The following DOCK9 variants were observed in gnomAD, a reference collection of about 807,000 sequenced individuals.
DOCK9 encodes dedicator of cytokinesis protein 9.
In DOCK9, 89 loss-of-function variants were observed where a neutral mutation model predicts 263.3. The observed-to-expected ratio is 0.34, with a 90% CI of 0.28 to 0.40. DOCK9 has a LOEUF of 0.40. DOCK9 is among the 10% of genes least tolerant of loss of function. The pLI, the probability that DOCK9 is intolerant of heterozygous loss-of-function variation, is 1.00. For missense variants in DOCK9, 2,140 were observed against 2,603.4 expected (o/e 0.82, Z 3.87); for synonymous variants, 976 against 973.1 (o/e 1.00, Z -0.06).
chr13:98,829,296 A>T lies in DOCK9; in HGVS notation c.4965+11T>A. 6.2e-7 allele frequency: 1 copy of T among 1,606,148 alleles called. No individual in the cohort carries two copies. On this transcript the variant is annotated intron_variant, in intron 43 of 52. Transcript: ENST00000682017. The surrounding 1 kb of genome is among the most constrained non-coding windows in gnomAD (Gnocchi z 4.1). ...TCAAAAACCCATTCAAGCGGCTGGC[A>T]GGGCTACTACCTCTGAGAGATCGCC...
chr13:98,846,476 T>C (rs1241980015), intron 37 of DOCK9: 4 of 1,321,712 alleles, frequency 3.0e-6, no homozygotes, highest in Admixed American at 1.9e-5. Context: ...AGAACAAACA[T>C]GCAAAGGAAG....
chr13:98,819,710 C>T (rs948989287), intron 45 of DOCK9, among the ~76,000 whole-genome samples: 14 of 152,204 alleles, frequency 9.2e-5, no homozygotes, highest in African/African-American at 3.4e-4. Flanking sequence ...GCTCCAGGAC[C>T]ACTGTCAGTC....
At chr13:98,807,625 T>G in intron 48 of DOCK9, 36 bp downstream of exon 48, 1 of 1,547,768 alleles carries the variant, frequency 6.5e-7, no homozygotes. Flanking sequence ...ATCACAACAT[T>G]ACATTGCTAT....
At chr13:98,952,328 TG>T (rs920308111) in intron 2 of DOCK9, among the ~76,000 whole-genome samples, 4 of 151,390 alleles carry the variant, frequency 2.6e-5, no homozygotes, top group African/African-American at 9.7e-5. Flanking sequence ...CTCTGTCTCC[TG>T]GTTTCAAGAG....
At chr13:98,807,561 T>A in intron 48 of DOCK9, 100 bp downstream of exon 48, 1 of 1,139,162 alleles carries the variant, frequency 8.8e-7, no homozygotes, top group Non-Finnish European at 1.2e-6. Flanking sequence ...CAATCCTTAA[T>A]ATTTTTCTTG....
intron 1 of DOCK9, among the ~76,000 whole-genome samples, chr13:99,085,683 G>A (rs1316641370): frequency 1.3e-5 from 2 of 152,000 alleles, no homozygotes; most frequent in Non-Finnish European, 2.9e-5. Flanking sequence ...GCTTGGAGGT[G>A]GGGGGCGCAG....
Position 98,794,571 on chromosome 13 carries a change from A to G in DOCK9, c.*55T>C. On this transcript the variant is annotated 3_prime_UTR_variant, in exon 53 of 53. Coordinates refer to ENST00000682017, the MANE Select transcript of DOCK9 (RefSeq NM_001366683.2). ...TCCCCAGTGATTGGCTTTGGAAAGCATCCTGAGTTTGCAAATGACAAAGCA... is the reference window on the plus strand; with the variant it reads ...TCCCCAGTGATTGGCTTTGGAAAGCGTCCTGAGTTTGCAAATGACAAAGCA... 6.5e-7 allele frequency: 1 copy of G among 1,543,786 alleles called. No homozygotes were observed. The highest frequency in any genetic ancestry group is 8.8e-7 in the Non-Finnish European group (1 of 1,141,900).
intron 50 of DOCK9, among the ~76,000 whole-genome samples, chr13:98,799,220 T>G (rs974905459): frequency 6.6e-6 from 1 of 152,162 alleles, no homozygotes; most frequent in Non-Finnish European, 1.5e-5. Context: ...TGATGGGAAG[T>G]TGACAAAATA....
chr13:98,843,846 G>A (rs2093304334), intron 38 of DOCK9, among the ~76,000 whole-genome samples: 1 of 152,228 alleles, frequency 6.6e-6, no homozygotes, highest in South Asian at 2.1e-4. Flanking sequence ...GCAGTGGGAA[G>A]AGCTGCTGCA....
chr13:99,004,784 GAC>G (rs10533387), intron 1 of DOCK9, among the ~76,000 whole-genome samples: 35,374 of 147,948 alleles, frequency 0.24, 5,352 homozygotes, highest in African/African-American at 0.43. Flanking sequence ...AAAAACTATA[GAC>G]ACACACACAC....
intron 2 of DOCK9, among the ~76,000 whole-genome samples, chr13:98,951,118 A>G (rs2057361785): frequency 6.6e-6 from 1 of 152,232 alleles, no homozygotes; most frequent in South Asian, 2.1e-4. Flanking sequence ...GCTCATGGAA[A>G]AAGTAAGTTC....
intron 38 of DOCK9, among the ~76,000 whole-genome samples, chr13:98,842,380 C>A (rs776497866): frequency 1.3e-5 from 2 of 152,216 alleles, no homozygotes; most frequent in Admixed American, 1.3e-4. Context: ...GAAATATTAT[C>A]TGCAACTTGA....
chr13:98,983,477 C>T (rs1293339023), intron 1 of DOCK9, among the ~76,000 whole-genome samples: 2 of 152,098 alleles, frequency 1.3e-5, no homozygotes, highest in Non-Finnish European at 2.9e-5. Flanking sequence ...AAGCTACATA[C>T]AGCAAGAGAA....
Position 98,831,459 on chromosome 13 carries a change from A to G in DOCK9, c.4524T>C (p.Cys1508=). Residue 1508 remains cysteine, a synonymous_variant, in exon 41 of 53, where the codon TGT becomes TGC. Coordinates refer to ENST00000682017, the MANE Select transcript of DOCK9 (RefSeq NM_001366683.2). ...AALCYEILKC[C]NSKLSSIRTE... is the part of the protein sequence containing the mutation. ...TCCTGATGGAGCTCAGCTTGGAGTT[A>G]CAGCACTTGAGAATCTCGTAACACA... is the stretch of plus-strand genomic sequence containing the variant. The G allele has an allele frequency of 6.3e-7, 1 of 1,596,610 alleles. No homozygotes were observed. Among genetic ancestry groups the G allele is most frequent in the Non-Finnish European group, 8.5e-7 (1 of 1,171,078 alleles).
At chr13:98,867,877 A>C (rs1594807779) in intron 29 of DOCK9, 51 bp downstream of exon 29, 28 of 1,481,994 alleles carry the variant, frequency 1.9e-5, no homozygotes, top group East Asian at 1.1e-4. Flanking sequence ...TAATTCTACC[A>C]GAGAAAGGCT....
chr13:98,985,085 G>GT (rs1567172046), intron 1 of DOCK9, among the ~76,000 whole-genome samples: 1 of 127,558 alleles, frequency 7.8e-6, no homozygotes, highest in Non-Finnish European at 1.7e-5. Flanking sequence ...GGGGTGGGCA[G>GT]TTGGGGGGGT....
intron 1 of DOCK9, among the ~76,000 whole-genome samples, chr13:99,085,424 G>A (rs2042289678): frequency 2.6e-5 from 4 of 152,246 alleles, no homozygotes; most frequent in Admixed American, 2.6e-4. Flanking sequence ...GAATCGGGTT[G>A]TAGTGCGTTT....
chr13:98,891,563 TGA>T (rs1334856079), intron 15 of DOCK9, among the ~76,000 whole-genome samples: 3 of 152,322 alleles, frequency 2.0e-5, no homozygotes, highest in East Asian at 3.9e-4. Context: ...TATAAATTTT[TGA>T]GAGAGGTGGA....
chr13:98,972,605 G>A (rs1164024404), intron 1 of DOCK9, among the ~76,000 whole-genome samples: 4 of 152,200 alleles, frequency 2.6e-5, no homozygotes, highest in Non-Finnish European at 5.9e-5. Flanking sequence ...CCACAAAATA[G>A]GTGTGCAGCA....
Sources: allele counts gnomAD v4.1 joint callset (sites outside exome capture counted in the v4.1 genomes callset), GRCh38; gene constraint gnomAD v4.1.1; non-coding constraint Gnocchi (gnomAD v3.1); transcripts MANE v1.5; gene names NCBI Gene and HGNC (gene_info 2026-07-23, HGNC 2026-07-21).